MPHOSPH10: variants seen among roughly 807,000 people sequenced by gnomAD.
MPHOSPH10 encodes M-phase phosphoprotein 10.
MPHOSPH10 carries 33 observed loss-of-function variants against 77.3 expected under a neutral mutation model. That is an observed-to-expected ratio of 0.43 (90% confidence interval 0.32 to 0.57). MPHOSPH10 has a LOEUF of 0.57. Among genes scored for constraint, MPHOSPH10 ranks in the 20% least tolerant of loss-of-function variants. The pLI is 0.07. For synonymous variants in MPHOSPH10, 245 were observed against 268.0 expected (o/e 0.91, Z 0.84); for missense variants, 708 against 780.1 (o/e 0.91, Z 1.10).
rs570106563 is a variant in MPHOSPH10, at chr2:71,138,984, A to C, written c.1240+353A>C. 86 of 530,710 alleles carry C rather than the reference A, an allele frequency of 1.6e-4. No individual in the cohort carries two copies. The South Asian group carries it at 1.9e-3, about 12-fold the overall frequency. 32.9% of individuals were successfully genotyped at this position (530,710 alleles called of 1,614,324 possible). A position where few individuals can be genotyped will look rare whatever the true frequency, so the allele number is the denominator to read the frequency against. ...AGAAAGGGGAGGTTGCAGTGAGCCA[A>C]GGTTGTGCCAGTGTGCTCCAGCGTG... is the stretch of plus-strand genomic sequence containing the variant. On this transcript the variant is annotated intron_variant, in intron 5 of 10. Transcript: ENST00000244230.
chr2:71,137,947 G>T (rs1407246944), intron 4 of MPHOSPH10, among the ~76,000 whole-genome samples: 2 of 152,088 alleles, frequency 1.3e-5, no homozygotes, highest in Non-Finnish European at 2.9e-5. Flanking sequence ...ACAAAAATTA[G>T]CCGGGCGTGG....
chr2:71,149,679 T>C (rs4852763), intron 10 of MPHOSPH10, among the ~76,000 whole-genome samples, 187 bp from the exon 11 acceptor site: 40,778 of 152,206 alleles, frequency 0.27, 6,847 homozygotes, highest in Middle Eastern at 0.37. Context: ...CTCCTTTCTC[T>C]CTTAGATTAT....
At chr2:71,136,928 A>T (rs1450147555) in intron 4 of MPHOSPH10, among the ~76,000 whole-genome samples, 1 of 141,866 alleles carries the variant, frequency 7.0e-6, no homozygotes, top group African/African-American at 2.7e-5. Flanking sequence ...ACACACACAC[A>T]CACACACACA....
At chr2:71,137,986 G>A (rs357759) in intron 4 of MPHOSPH10, among the ~76,000 whole-genome samples, 45,145 of 151,932 alleles carry the variant, frequency 0.3, 6,875 homozygotes, top group Admixed American at 0.39. Flanking sequence ...CCAGCTACTC[G>A]GGAGGCTGAG....
chr2:71,137,333 G>A (rs565226966), intron 4 of MPHOSPH10, among the ~76,000 whole-genome samples: 7 of 152,086 alleles, frequency 4.6e-5, no homozygotes, highest in South Asian at 2.1e-4. Flanking sequence ...TAGACGCATA[G>A]GCCAGTGTAA....
chr2:71,132,198 T>A (rs911846454), intron 1 of MPHOSPH10, among the ~76,000 whole-genome samples: 3 of 152,234 alleles, frequency 2.0e-5, no homozygotes, highest in Non-Finnish European at 2.9e-5. Flanking sequence ...ATCAACCTTC[T>A]AATCACTGTA....
At chr2:71,131,955 C>T (rs1377644496) in intron 1 of MPHOSPH10, among the ~76,000 whole-genome samples, 9 of 152,222 alleles carry the variant, frequency 5.9e-5, no homozygotes, top group East Asian at 1.9e-4. Context: ...GGCTGAGCTT[C>T]AGCTCAGAGG....
chr2:71,141,623 T>C (rs1156638753), intron 7 of MPHOSPH10, among the ~76,000 whole-genome samples: 1 of 152,238 alleles, frequency 6.6e-6, no homozygotes, highest in East Asian at 1.9e-4. Context: ...CTAGCAATTA[T>C]GGTGGTGCTA....
At chr2:71,135,872 T>G (rs1379418890) in intron 4 of MPHOSPH10, among the ~76,000 whole-genome samples, 4 of 151,854 alleles carry the variant, frequency 2.6e-5, no homozygotes, top group South Asian at 4.2e-4. Context: ...CCAACTAATT[T>G]TTTTGTATTT....
Position 71,133,366 on chromosome 2 carries a change from G to A in MPHOSPH10, c.558G>A (p.Val186=), listed in dbSNP as rs757449997. The A allele has an allele frequency of 9.3e-6, 15 of 1,614,016 alleles. No individual in the cohort carries two copies. Among genetic ancestry groups the A allele is most frequent in the African/African-American group, 1.3e-5 (1 of 74,924 alleles). The change falls in exon 2 of 11, where the codon GTG becomes GTA. Residue 186 remains valine (V), a synonymous_variant. Coordinates refer to ENST00000244230, the MANE Select transcript of MPHOSPH10 (RefSeq NM_005791.3). ...GCAAATTGGAACAGCAGAGCAAGGT[G>A]CAAAACAAAGGACAGGGAAAACCAA... ...DISKLEQQSK[V]QNKGQGKPRE... is the part of the protein sequence containing the mutation.
chr2:71,149,761 A>G (rs1272530242), intron 10 of MPHOSPH10, 105 bp from the exon 11 acceptor site: 2 of 1,001,960 alleles, frequency 2.0e-6, no homozygotes, highest in East Asian at 5.0e-5. Flanking sequence ...GTCCTTTTTC[A>G]TATTTATGGT....
At chr2:71,141,097 CTATTAATATATTAATGATAATT>C in intron 6 of MPHOSPH10, 113 bp from the exon 7 acceptor site, 1 of 372,940 alleles carries the variant, frequency 2.7e-6, no homozygotes, top group Non-Finnish European at 3.9e-6. Context: ...ATATAATTTA[CTATTAATATATTAATGATAATT>C]TATTAATATA....
At chr2:71,141,599 A>G (rs1017809138) in intron 7 of MPHOSPH10, among the ~76,000 whole-genome samples, 5 of 152,194 alleles carry the variant, frequency 3.3e-5, no homozygotes, top group South Asian at 4.1e-4. Flanking sequence ...ATACTTTTAC[A>G]ACTCATTAAC....
chr2:71,145,726 C>G (rs946969143), intron 8 of MPHOSPH10, among the ~76,000 whole-genome samples: 2 of 152,154 alleles, frequency 1.3e-5, no homozygotes, highest in Non-Finnish European at 2.9e-5. Context: ...CCTGTGTGAT[C>G]TGGCTCTTCC....
At chr2:71,142,796 T>C (rs1673635898) in intron 7 of MPHOSPH10, among the ~76,000 whole-genome samples, 1 of 152,180 alleles carries the variant, frequency 6.6e-6, no homozygotes, top group Non-Finnish European at 1.5e-5. Flanking sequence ...ATGATGGACA[T>C]TGGAAACAGA....
Position 71,133,978 on chromosome 2 carries a change from A to G in MPHOSPH10, c.799A>G (p.Lys267Glu). The change falls in exon 3 of 11, where the codon AAA becomes GAA. Residue 267 changes from lysine to glutamate, a missense_variant. Physicochemically the swap from Lys to Glu is moderately conservative, Grantham distance 56. Coordinates refer to ENST00000244230, the MANE Select transcript of MPHOSPH10 (RefSeq NM_005791.3). ...TAAAAGTTCCAGAAATCTGAAATAC[A>G]AAGATTTTTTTGATCCAGTTGAAAG... ...SGKSSRNLKY[K>E]DFFDPVESDE... 3.2e-6 allele frequency: 5 copies of G among 1,585,346 alleles called. No homozygotes were observed. The highest frequency in any genetic ancestry group is 1.4e-5 in the African/African-American group (1 of 74,018).
chr2:71,130,798 C>A (rs371163969), intron 1 of MPHOSPH10, 44 bp downstream of exon 1: 20 of 1,555,644 alleles, frequency 1.3e-5, no homozygotes, highest in African/African-American at 1.2e-4. Context: ...CGGGGTCTCA[C>A]GTGGACGCGG....
intron 5 of MPHOSPH10, 155 bp downstream of exon 5, chr2:71,138,786 G>C: frequency 9.2e-7 from 1 of 1,090,598 alleles, no homozygotes; most frequent in Non-Finnish European, 1.4e-6. Flanking sequence ...TGTAATCCCG[G>C]CACTTTGGGA....
At chr2:71,133,920 A>C (rs1673436335) in intron 2 of MPHOSPH10, 28 bp from the exon 3 acceptor site, 2 of 1,407,622 alleles carry the variant, frequency 1.4e-6, no homozygotes, top group Non-Finnish European at 1.9e-6. Context: ...ATCCCTAATT[A>C]ATAGTTTTTA....
Sources: gnomAD v4.1 joint callset for allele counts (sites outside exome capture counted in the v4.1 genomes callset) on GRCh38, gnomAD v4.1.1 for gene constraint, MANE v1.5 for transcripts, NCBI Gene and HGNC (gene_info 2026-07-23, HGNC 2026-07-21) for gene names.